CNTNAP4: variants seen among roughly 807,000 people sequenced by gnomAD.
The protein encoded by CNTNAP4 is contactin-associated protein-like 4.
In CNTNAP4, 98 loss-of-function variants were observed where a neutral mutation model predicts 148.4. The ratio of observed to expected loss-of-function variants is 0.66; its 90% CI spans 0.56 to 0.78. CNTNAP4 has a LOEUF of 0.78. CNTNAP4 is among the 30% of genes least tolerant of loss of function. CNTNAP4 has a pLI of 0.00. For synonymous variants in CNTNAP4, 730 were observed against 565.1 expected (o/e 1.29, Z -4.14); for missense variants, 1,935 against 1,565.6 (o/e 1.24, Z -3.98).
intron 18 of CNTNAP4, 47 bp downstream of exon 18, chr16:76,535,831 G>A: frequency 1.3e-6 from 2 of 1,557,828 alleles, no homozygotes; most frequent in Non-Finnish European, 8.7e-7. Flanking sequence ...ATTCAATGTG[G>A]ATTAAATGTC....
At chr16:76,535,446 T>C (rs182765468) in intron 17 of CNTNAP4, 99 bp from the exon 18 acceptor site, 239 of 1,279,976 alleles carry the variant, frequency 1.9e-4, no homozygotes, top group Non-Finnish European at 2.4e-4. Context: ...CTCATCCATT[T>C]TTTTTGCCGT....
At chr16:76,331,214 G>T (rs1963483829) in intron 2 of CNTNAP4, among the ~76,000 whole-genome samples, 1 of 150,974 alleles carries the variant, frequency 6.6e-6, no homozygotes, top group South Asian at 2.1e-4. Context: ...TTTAGACAGA[G>T]TCTCGCTCTG....
intron 4 of CNTNAP4, among the ~76,000 whole-genome samples, chr16:76,442,998 G>A (rs1318320063): frequency 6.6e-6 from 1 of 152,058 alleles, no homozygotes; most frequent in African/African-American, 2.4e-5. Flanking sequence ...AAAAAGCGGG[G>A]AATTTGTCAG....
At chr16:76,531,543 G>A (rs2144207521) in intron 17 of CNTNAP4, among the ~76,000 whole-genome samples, 1 of 152,202 alleles carries the variant, frequency 6.6e-6, no homozygotes, top group Non-Finnish European at 1.5e-5. Flanking sequence ...GATATAACAT[G>A]GCAGGTAAAT....
chr16:76,478,364 A>G (rs908456084), intron 11 of CNTNAP4, among the ~76,000 whole-genome samples: 11 of 152,234 alleles, frequency 7.2e-5, no homozygotes, highest in Non-Finnish European at 1.5e-4. Context: ...TGGAAGATGA[A>G]CCATGCTTAT....
At chr16:76,395,262 C>A (rs1242359165) in intron 3 of CNTNAP4, among the ~76,000 whole-genome samples, 11 of 142,990 alleles carry the variant, frequency 7.7e-5, no homozygotes. Context: ...CTTATCAGGC[C>A]AAAGATTCTT....
At chr16:76,334,323 A>C (rs998758107) in intron 2 of CNTNAP4, among the ~76,000 whole-genome samples, 1 of 152,174 alleles carries the variant, frequency 6.6e-6, no homozygotes, top group Non-Finnish European at 1.5e-5. Context: ...AAAATGAAAC[A>C]AAAGCCCTTC....
At chr16:76,502,421 G>A (rs1568427314) in intron 15 of CNTNAP4, among the ~76,000 whole-genome samples, 1 of 150,812 alleles carries the variant, frequency 6.6e-6, no homozygotes, top group Non-Finnish European at 1.5e-5. Flanking sequence ...ACAGATATAG[G>A]ACTAACAGAT....
At chr16:76,318,373 T>C (rs193139421) in intron 2 of CNTNAP4, among the ~76,000 whole-genome samples, 39 of 152,316 alleles carry the variant, frequency 2.6e-4, no homozygotes, top group Admixed American at 2.3e-3. Context: ...CATTAATTTA[T>C]ATACTCATCA....
chr16:76,332,703 G>C (rs1963646543), intron 2 of CNTNAP4, among the ~76,000 whole-genome samples: 1 of 150,260 alleles, frequency 6.7e-6, no homozygotes, highest in Non-Finnish European at 1.5e-5. Context: ...AGGTCTCTTA[G>C]ATTCTGTTCA....
chr16:76,326,305 A>C (rs1372492147), intron 2 of CNTNAP4, among the ~76,000 whole-genome samples: 3 of 152,154 alleles, frequency 2.0e-5, no homozygotes, highest in African/African-American at 7.2e-5. Flanking sequence ...TGGAATGTAC[A>C]TGTGCTCTGA....
chr16:76,338,512 C>T (rs1964202382), intron 2 of CNTNAP4, among the ~76,000 whole-genome samples: 1 of 152,156 alleles, frequency 6.6e-6, no homozygotes, highest in Non-Finnish European at 1.5e-5. Context: ...TCCAGTGTCC[C>T]ACCCTGGAAC....
chr16:76,384,605 T>G (rs1268115485), intron 3 of CNTNAP4, among the ~76,000 whole-genome samples: 1 of 152,148 alleles, frequency 6.6e-6, no homozygotes, highest in African/African-American at 2.4e-5. Flanking sequence ...ATGAGTTGAT[T>G]AATCTCCTTG....
intron 2 of CNTNAP4, among the ~76,000 whole-genome samples, chr16:76,332,503 A>G (rs577088598): frequency 1.7e-3 from 263 of 152,176 alleles, no homozygotes; most frequent in African/African-American, 5.9e-3. Flanking sequence ...GGCTCAAGCA[A>G]TCTGGCCACC....
At chr16:76,496,298 G>C (rs17767530) in intron 14 of CNTNAP4, among the ~76,000 whole-genome samples, 2 of 151,992 alleles carry the variant, frequency 1.3e-5, no homozygotes, top group Middle Eastern at 3.4e-3. Flanking sequence ...TAAAATGCTA[G>C]TAGTAATGCT....
At chr16:76,395,320 C>T (rs1381491237) in intron 3 of CNTNAP4, among the ~76,000 whole-genome samples, 1 of 150,794 alleles carries the variant, frequency 6.6e-6, no homozygotes, top group African/African-American at 2.4e-5. Flanking sequence ...GGCTGGAATG[C>T]AATGGCGCAA....
intron 2 of CNTNAP4, among the ~76,000 whole-genome samples, chr16:76,354,350 A>C (rs572376000): frequency 6.6e-6 from 1 of 152,226 alleles, no homozygotes; most frequent in Non-Finnish European, 1.5e-5. Flanking sequence ...TGTGTGTTGG[A>C]TCAAATATAA....
intron 2 of CNTNAP4, among the ~76,000 whole-genome samples, chr16:76,332,275 T>A (rs1335705321): frequency 6.6e-6 from 1 of 152,164 alleles, no homozygotes; most frequent in African/African-American, 2.4e-5. Flanking sequence ...TATTATTATT[T>A]TGTGAGACAG....
chr16:76,279,508 G>A (rs537825952), intron 1 of CNTNAP4, among the ~76,000 whole-genome samples: 5 of 152,146 alleles, frequency 3.3e-5, no homozygotes, highest in South Asian at 2.1e-4. Flanking sequence ...ATGTCTGCTT[G>A]GCTCTGGTTG....
Sources: allele counts gnomAD v4.1 joint callset (sites outside exome capture counted in the v4.1 genomes callset), GRCh38; gene constraint gnomAD v4.1.1; transcripts MANE v1.5; gene names NCBI Gene and HGNC (gene_info 2026-07-23, HGNC 2026-07-21).